Variants in ITPRID2 observed in about 807,000 individuals in gnomAD.
ITPRID2 encodes the protein ITPR interacting domain containing 2.
ITPRID2 carries 60 observed loss-of-function variants against 124.3 expected under a neutral mutation model. The ratio of observed to expected loss-of-function variants is 0.48; its 90% confidence interval spans 0.39 to 0.60. The LOEUF (loss-of-function observed/expected upper bound fraction) is 0.60, where lower values mean the gene tolerates loss of function less well. ITPRID2 is among the 20% of genes least tolerant of loss of function. The probability of loss-of-function intolerance (pLI) is 0.00; values close to 1 mark genes in which losing one functional copy is unlikely to be tolerated. For synonymous variants in ITPRID2, 521 were observed against 542.9 expected (o/e 0.96, Z 0.56); for missense variants, 1,553 against 1,512.2 (o/e 1.03, Z -0.45).
chr2:181,923,366 T>TC (rs1694624648), intron 16 of ITPRID2, among the ~76,000 whole-genome samples: 1 of 152,216 alleles, frequency 6.6e-6, no homozygotes, highest in African/African-American at 2.4e-5. Context: ...AATCACATTT[T>TC]CAAAACAAGC....
chr2:181,912,533 C>T (rs952160205), intron 9 of ITPRID2, among the ~76,000 whole-genome samples: 2 of 152,122 alleles, frequency 1.3e-5, no homozygotes, highest in Admixed American at 6.6e-5. Context: ...GAAACTGAGT[C>T]TATAGTGGGG....
intron 17 of ITPRID2, among the ~76,000 whole-genome samples, chr2:181,929,073 C>A (rs921035045): frequency 6.6e-6 from 1 of 151,718 alleles, no homozygotes; most frequent in South Asian, 2.1e-4. Context: ...CATTTTATCT[C>A]GTAGCTCTAA....
chr2:181,893,965 G>T (rs1457488505), intron 2 of ITPRID2: 2 of 152,274 alleles, frequency 1.3e-5, no homozygotes, highest in East Asian at 3.9e-4. Flanking sequence ...TTAGAAATGT[G>T]TTTGAGAAGT....
In ITPRID2 at chr2:181,915,490, A is replaced by G. The variant is rs767859122; in HGVS notation, c.1850A>G (p.His617Arg). Residue 617 changes from histidine to arginine, a missense_variant, in exon 11 of 18, where the codon CAT becomes CGT. Coordinates refer to ENST00000431877, the MANE Select transcript of ITPRID2 (RefSeq NM_001130445.3). ...TKQSTCSPGD[H>R]IIEITEVEED... is the part of the protein sequence containing the mutation. Reference sequence around the variant, plus strand: ...CAGTCCACCTGTAGTCCAGGGGATCATATCATTGAAATTACTGAAGTGGAA... The same window carrying G: ...CAGTCCACCTGTAGTCCAGGGGATCGTATCATTGAAATTACTGAAGTGGAA... 4.3e-6 allele frequency: 7 copies of G among 1,614,124 alleles called. No individual in the cohort carries two copies. Among genetic ancestry groups the G allele is most frequent in the South Asian group, 1.1e-5 (1 of 91,086 alleles).
chr2:181,916,715 A>G (rs1252589570), intron 11 of ITPRID2: 4 of 741,198 alleles, frequency 5.4e-6, no homozygotes, highest in Non-Finnish European at 7.2e-6. Context: ...TCTATCATCC[A>G]CTGTCTTTGT....
chr2:181,909,927 A>G lies in ITPRID2; in HGVS notation c.1442A>G (p.His481Arg). 7 of 1,613,390 alleles carry G rather than the reference A, an allele frequency of 4.3e-6. No homozygotes were observed. Among genetic ancestry groups the G allele is most frequent in the Non-Finnish European group, 5.9e-6 (7 of 1,179,442 alleles). Reference sequence around the variant, plus strand: ...CAAAGTACGGAGGGAGAAGCTCCTCATGTTCCAGCCACTTACCAGCTAGGT... The same window carrying G: ...CAAAGTACGGAGGGAGAAGCTCCTCGTGTTCCAGCCACTTACCAGCTAGGT... ...EVQSTEGEAP[H>R]VPATYQLGLT... is the part of the protein sequence containing the mutation. The change falls in exon 9 of 18, where the codon CAT becomes CGT. Residue 481 changes from histidine to arginine, a missense_variant. Transcript: ENST00000431877.
At position 181,892,691 on chromosome 2, in the gene ITPRID2, G is replaced by C. The variant is rs374233686; in HGVS notation, c.257+31G>C. On this transcript the variant is annotated intron_variant, in intron 2 of 17. Transcript: ENST00000431877. The surrounding 1 kb of genome is among the most constrained non-coding windows in gnomAD (Gnocchi z 5.2). Reference sequence around the variant, plus strand: ...TGCTCCCTGGTCCGCCCGCGTCCCGGGGGAGATCCGTGCGGACGGGACGCC... The same window carrying C: ...TGCTCCCTGGTCCGCCCGCGTCCCGCGGGAGATCCGTGCGGACGGGACGCC... The C allele has an allele frequency of 6.2e-7, 1 of 1,613,660 alleles. No homozygotes were observed. Among genetic ancestry groups the C allele is most frequent in the East Asian group, 2.2e-5 (1 of 44,838 alleles).
chr2:181,919,503 A>G lies in ITPRID2; in HGVS notation c.3144+57A>G. 1 of 1,478,596 alleles carries G rather than the reference A, an allele frequency of 6.8e-7. No homozygotes were observed. Among genetic ancestry groups the G allele is most frequent in the Non-Finnish European group, 8.9e-7 (1 of 1,118,458 alleles). The allele number at this position is 1,478,596 out of a possible 1,614,324, so 91.6% of individuals were successfully genotyped here. A position where few individuals can be genotyped will look rare whatever the true frequency, so the allele number is the denominator to read the frequency against. On this transcript the variant is annotated intron_variant, in intron 14 of 17. Coordinates refer to ENST00000431877, the MANE Select transcript of ITPRID2 (RefSeq NM_001130445.3). The surrounding 1 kb of genome is among the most constrained non-coding windows in gnomAD (Gnocchi z 4.2). ...ACCAAAGGTTTATTTATAATGTTCC[A>G]ATAATTTAGGACGTGTGCCTTCATT...
At chr2:181,913,785 T>C (rs959181882) in intron 9 of ITPRID2, 60 bp from the exon 10 acceptor site, 47 of 1,237,712 alleles carry the variant, frequency 3.8e-5, no homozygotes, top group Non-Finnish European at 5.1e-5. Context: ...TAATTTCTTA[T>C]AGCCACTTTT....
Position 181,896,247 on chromosome 2 carries a change from TA to T in ITPRID2, c.307+169del. Reference sequence around the variant, plus strand: ...AACTTTGTTATAAACCGTAAAACAGTAGGGAGTTTAAGCAAATTGCCTAGCC... The same window carrying T: ...AACTTTGTTATAAACCGTAAAACAGTGGGAGTTTAAGCAAATTGCCTAGCC... On this transcript the variant is annotated intron_variant, in intron 3 of 17. Transcript: ENST00000431877. The surrounding 1 kb of genome is among the most constrained non-coding windows in gnomAD (Gnocchi z 4.3). Among the ~76,000 whole-genome samples the T allele has an allele frequency of 6.6e-6, 1 of 152,090 alleles. No homozygotes were observed. The highest frequency in any genetic ancestry group is 1.9e-4 in the East Asian group (1 of 5,188).
chr2:181,915,119 G>A, intron 10 of ITPRID2, 97 bp from the exon 11 acceptor site: 1 of 1,405,706 alleles, frequency 7.1e-7, no homozygotes, highest in Non-Finnish European at 9.7e-7. Flanking sequence ...CTGCAGTGGA[G>A]ACAGTGAAAT....
chr2:181,896,714 T>C lies in ITPRID2; in HGVS notation c.308-194T>C, dbSNP rs1692231379. Among the ~76,000 whole-genome samples the C allele has an allele frequency of 6.6e-6, 1 of 152,024 alleles. No individual in the cohort carries two copies. The highest frequency in any genetic ancestry group is 2.4e-5 in the African/African-American group (1 of 41,448). ...GAACTTTATGTTGCTGGAAAAGTGG[T>C]TTCTTTACGTTAAAGTAAAAGCTTA... On this transcript the variant is annotated intron_variant, in intron 3 of 17. Coordinates refer to ENST00000431877, the MANE Select transcript of ITPRID2 (RefSeq NM_001130445.3). This position sits in a 1 kb window ranked among gnomAD's most constrained non-coding sequence, Gnocchi z 4.3.
chr2:181,908,749 G>T, intron 8 of ITPRID2, among the ~76,000 whole-genome samples: 1 of 152,056 alleles, frequency 6.6e-6, no homozygotes, highest in East Asian at 1.9e-4. Flanking sequence ...TTTTAAAAAT[G>T]TTGGTTATTT....
At chr2:181,914,034 T>A (rs1351271488) in intron 10 of ITPRID2, 101 bp downstream of exon 10, 6 of 728,260 alleles carry the variant, frequency 8.2e-6, no homozygotes, top group Non-Finnish European at 1.3e-5. Flanking sequence ...ATAATCTTTA[T>A]TTTTCAAGTG....
rs1168194962 is a variant in ITPRID2 at position 181,916,667 on chromosome 2, GGA to G, written c.2787+245_2787+246del. 7.1e-6 allele frequency: 5 copies of G among 708,304 alleles called. No homozygotes were observed. In the African/African-American group the frequency reaches 7.1e-5, roughly 10 times the overall value. 43.9% of individuals were successfully genotyped at this position (708,304 alleles called of 1,614,324 possible). Reference sequence around the variant, plus strand: ...TCACAAGTCTGTCTCCTTTCCAAGAGGAGAGATTTTTCTCGTTAAGTATCCTC... The same window carrying G: ...TCACAAGTCTGTCTCCTTTCCAAGAGGAGATTTTTCTCGTTAAGTATCCTC... On this transcript the variant is annotated intron_variant, in intron 11 of 17. Coordinates refer to ENST00000431877, the MANE Select transcript of ITPRID2 (RefSeq NM_001130445.3).
At chr2:181,921,184 TA>T (rs1694453251) in intron 15 of ITPRID2, among the ~76,000 whole-genome samples, 1 of 135,818 alleles carries the variant, frequency 7.4e-6, no homozygotes, top group Non-Finnish European at 1.6e-5. Flanking sequence ...ACCCTGTCTT[TA>T]AAAAATAATA....
At chr2:181,926,171 G>A (rs1263858876) in intron 16 of ITPRID2, among the ~76,000 whole-genome samples, 1 of 151,928 alleles carries the variant, frequency 6.6e-6, no homozygotes, top group Admixed American at 6.5e-5. Flanking sequence ...GGCTGAGGCA[G>A]GAGAATTACT....
At position 181,907,756 on chromosome 2, in the gene ITPRID2, TAATAA is replaced by T. The variant is rs1292324040; in HGVS notation, c.1414-2137_1414-2133del. Among the ~76,000 whole-genome samples the T allele has an allele frequency of 6.6e-6, 1 of 152,190 alleles. No homozygotes were observed. On this transcript the variant is annotated intron_variant, in intron 8 of 17. Transcript: ENST00000431877. The surrounding 1 kb of genome is among the most constrained non-coding windows in gnomAD (Gnocchi z 5.1). Reference sequence around the variant, plus strand: ...CCGCCTTTTGCACAATTGTGACCAATAATAAAATAAGAAATTCACCCATTATCACT... The same window carrying T: ...CCGCCTTTTGCACAATTGTGACCAATAATAAGAAATTCACCCATTATCACT...
intron 4 of ITPRID2, among the ~76,000 whole-genome samples, 199 bp downstream of exon 4, chr2:181,897,163 A>C (rs1269001016): frequency 6.6e-6 from 1 of 151,980 alleles, no homozygotes; most frequent in Admixed American, 6.6e-5. Context: ...ACTCTGAAAA[A>C]CTATGTGAAG....
Sources: allele counts gnomAD v4.1 joint callset (sites outside exome capture counted in the v4.1 genomes callset), GRCh38; gene constraint gnomAD v4.1.1; non-coding constraint Gnocchi (gnomAD v3.1); transcripts MANE v1.5; gene names NCBI Gene and HGNC (gene_info 2026-07-23, HGNC 2026-07-21).